Variants in RAB27A observed in about 807,000 individuals in gnomAD.
RAB27A encodes ras-related protein Rab-27A.
RAB27A carries 17 observed loss-of-function variants against 20.8 expected under a neutral mutation model. The observed-to-expected ratio is 0.82, with a 90% CI of 0.56 to 1.23. RAB27A has a LOEUF of 1.23. Among genes scored for constraint, RAB27A ranks in the 50% most tolerant of loss-of-function variants. The pLI is 0.00. For missense variants in RAB27A, 277 were observed against 266.7 expected (o/e 1.04, Z -0.27); for synonymous variants, 85 against 92.8 (o/e 0.92, Z 0.48).
chr15:55,255,487 G>A (rs548987806), intron 2 of RAB27A, among the ~76,000 whole-genome samples: 21 of 152,196 alleles, frequency 1.4e-4, no homozygotes, highest in African/African-American at 4.1e-4. Flanking sequence ...CAGACAACTG[G>A]CCAGCTGTCA....
chr15:55,250,563 T>C (rs16976226), intron 2 of RAB27A, among the ~76,000 whole-genome samples: 2,822 of 152,344 alleles, frequency 0.019, 86 homozygotes, highest in African/African-American at 0.064. Flanking sequence ...CTCAGGCACA[T>C]GTTTCAGCAG....
chr15:55,227,624 C>T (rs948541632), intron 5 of RAB27A, among the ~76,000 whole-genome samples: 9 of 152,142 alleles, frequency 5.9e-5, no homozygotes, highest in African/African-American at 2.2e-4. Context: ...AAGTCTATTA[C>T]TTTTTAAGGC....
At chr15:55,300,948 C>A (rs1424488730) in intron 2 of RAB27A, among the ~76,000 whole-genome samples, 1 of 152,158 alleles carries the variant, frequency 6.6e-6, no homozygotes, top group East Asian at 1.9e-4. Flanking sequence ...CATTCTCTTG[C>A]TCTTTTTCTC....
At position 55,210,221 on chromosome 15, in the gene RAB27A, G is replaced by GTATACATACACACATGTATGTGTGTATA. The variant is rs1251796456; in HGVS notation, c.468-4517_468-4516insTATACACACATACATGTGTGTATGTATA. ...TATACATACACACATGTATGTGTAT[G>GTATACATACACACATGTATGTGTGTATA]TATATATACACACATATATATTAGT... On this transcript the variant is annotated intron_variant, in intron 6 of 6. Coordinates refer to ENST00000336787, the MANE Select transcript of RAB27A (RefSeq NM_183235.3). Among the ~76,000 whole-genome samples, 4 of 122,694 alleles carry GTATACATACACACATGTATGTGTGTATA rather than the reference G, an allele frequency of 3.3e-5. No homozygotes were observed. In the South Asian group the frequency reaches 1.1e-3, roughly 35 times the overall value. 80.5% of individuals were successfully genotyped at this position (122,694 alleles called of 152,430 possible).
intron 2 of RAB27A, among the ~76,000 whole-genome samples, chr15:55,303,146 C>T (rs1376576852): frequency 9.0e-5 from 11 of 122,314 alleles, no homozygotes; most frequent in Admixed American, 2.3e-4. Flanking sequence ...GGGTCAGCCC[C>T]CCGCCCGGCC....
intron 2 of RAB27A, among the ~76,000 whole-genome samples, chr15:55,311,138 C>T (rs891351354): frequency 5.3e-5 from 8 of 152,138 alleles, no homozygotes; most frequent in African/African-American, 1.9e-4. Flanking sequence ...ACTGAGATAC[C>T]AGAGATCGCC....
intron 1 of RAB27A, among the ~76,000 whole-genome samples, chr15:55,316,538 A>G (rs1026678571): frequency 3.9e-5 from 6 of 151,906 alleles, no homozygotes; most frequent in African/African-American, 7.3e-5. Context: ...TGGCACATGT[A>G]TATCTATGTT....
intron 2 of RAB27A, among the ~76,000 whole-genome samples, chr15:55,298,586 C>A (rs565079813): frequency 2.0e-5 from 3 of 152,230 alleles, no homozygotes; most frequent in African/African-American, 4.8e-5. Context: ...GTTTCAGGCA[C>A]CAGTGTCACT....
At chr15:55,312,084 C>T (rs535492137) in intron 2 of RAB27A, among the ~76,000 whole-genome samples, 21 of 152,294 alleles carry the variant, frequency 1.4e-4, no homozygotes, top group African/African-American at 5.1e-4. Context: ...GTGTTCAGCT[C>T]GATTAGGACG....
chr15:55,205,096 T>G lies in RAB27A; in HGVS notation c.*411A>C, dbSNP rs1595661066. ...ATGGCATGAGTCTTCAAATCTGGATTGAAGACTGTGGCGGTTTTATAACTG... is the reference window on the plus strand; with the variant it reads ...ATGGCATGAGTCTTCAAATCTGGATGGAAGACTGTGGCGGTTTTATAACTG... On this transcript the variant is annotated 3_prime_UTR_variant, in exon 7 of 7. Coordinates refer to ENST00000336787, the MANE Select transcript of RAB27A (RefSeq NM_183235.3). 1 of 232,140 alleles carries G rather than the reference T, an allele frequency of 4.3e-6. No homozygotes were observed. The highest frequency in any genetic ancestry group is 1.2e-4 in the East Asian group (1 of 8,642). 14.4% of individuals were successfully genotyped at this position (232,140 alleles called of 1,614,324 possible).
intron 2 of RAB27A, among the ~76,000 whole-genome samples, chr15:55,246,179 C>T (rs1337957947): frequency 6.6e-6 from 1 of 151,776 alleles, no homozygotes; most frequent in Admixed American, 6.6e-5. Context: ...CAGCATCTTC[C>T]AGATGTTCAT....
chr15:55,243,935 A>T (rs1415390465), intron 2 of RAB27A, among the ~76,000 whole-genome samples: 2 of 152,208 alleles, frequency 1.3e-5, no homozygotes, highest in African/African-American at 4.8e-5. Flanking sequence ...ACACAATATG[A>T]CATCAAAATT....
chr15:55,228,768 A>G, intron 4 of RAB27A, 56 bp from the exon 5 acceptor site: 4 of 1,253,232 alleles, frequency 3.2e-6, no homozygotes, highest in South Asian at 2.4e-5. Flanking sequence ...CCTGAAATAT[A>G]AAACTACAAG....
chr15:55,269,367 T>C (rs1168010268), intron 2 of RAB27A, among the ~76,000 whole-genome samples: 1 of 152,156 alleles, frequency 6.6e-6, no homozygotes, highest in Non-Finnish European at 1.5e-5. Flanking sequence ...CCTAACAGAA[T>C]TAACACTAAT....
chr15:55,216,842 C>T lies in RAB27A; in HGVS notation c.467+7047G>A, dbSNP rs113611889. Among the ~76,000 whole-genome samples, 678 of 152,304 alleles carry T rather than the reference C, an allele frequency of 4.5e-3. 11 individuals carry two copies. Among genetic ancestry groups the T allele is most frequent in the African/African-American group, 0.016 (650 of 41,576 alleles). ...TTTGCCTCCCTTACTCCTCATTAAA[C>T]TCCTCACTTTCCAAGCAATCTTCAT... is the stretch of plus-strand genomic sequence containing the variant. On this transcript the variant is annotated intron_variant, in intron 6 of 6. Transcript: ENST00000336787.
intron 1 of RAB27A, among the ~76,000 whole-genome samples, chr15:55,288,289 C>T (rs543015776): frequency 1.4e-3 from 211 of 152,070 alleles, no homozygotes; most frequent in African/African-American, 4.9e-3. Context: ...GGGAGGCTGA[C>T]GCAGGTTGAT....
In RAB27A at chr15:55,203,626, G is replaced by T. The variant is rs1342496727; in HGVS notation, c.*1881C>A. On this transcript the variant is annotated 3_prime_UTR_variant, in exon 7 of 7. Coordinates refer to ENST00000336787, the MANE Select transcript of RAB27A (RefSeq NM_183235.3). The stretch of plus-strand genomic sequence containing the variant: ...TTTAGTAGAGATGGGGTTTCACTGT[G>T]TTAGCCAGGATGGTCTCGATCTCCT... 1 of 138,300 alleles carries T rather than the reference G, an allele frequency of 7.2e-6. No individual in the cohort carries two copies. The highest frequency in any genetic ancestry group is 1.5e-5 in the Non-Finnish European group (1 of 64,552). The allele number at this position is 138,300 out of a possible 1,614,324, so 8.6% of individuals were successfully genotyped here.
chr15:55,286,360 G>A (rs562703866), intron 1 of RAB27A, among the ~76,000 whole-genome samples: 3 of 152,296 alleles, frequency 2.0e-5, no homozygotes, highest in Admixed American at 6.5e-5. Context: ...TCTTCTACCA[G>A]TGAAAGACAA....
intron 2 of RAB27A, among the ~76,000 whole-genome samples, chr15:55,309,281 T>A (rs917747807): frequency 6.6e-6 from 1 of 152,234 alleles, no homozygotes; most frequent in African/African-American, 2.4e-5. Context: ...AGGCTGGATA[T>A]GTTCCTCACT....
Sources: gnomAD v4.1 joint callset for allele counts (sites outside exome capture counted in the v4.1 genomes callset) on GRCh38, gnomAD v4.1.1 for gene constraint, MANE v1.5 for transcripts, NCBI Gene and HGNC (gene_info 2026-07-23, HGNC 2026-07-21) for gene names.